The following DYNC1I1 variants were observed in gnomAD, a reference collection of about 807,000 sequenced individuals.
DYNC1I1 encodes cytoplasmic dynein 1 intermediate chain 1.
DYNC1I1 carries 43 observed loss-of-function variants against 86.6 expected under a neutral mutation model. The ratio of observed to expected loss-of-function variants is 0.50; its 90% confidence interval spans 0.39 to 0.64. The LOEUF is 0.64. Among genes scored for constraint, DYNC1I1 ranks in the 30% least tolerant of loss-of-function variants. The probability of loss-of-function intolerance (pLI) is 0.00; values close to 1 mark genes in which losing one functional copy is unlikely to be tolerated. For synonymous variants in DYNC1I1, 262 were observed against 283.7 expected, an observed-to-expected ratio of 0.92 and a Z score of 0.77; for missense variants, 604 against 788.8, an observed-to-expected ratio of 0.77 and a Z score of 2.81.
chr7:96,094,201 C>T (rs990563859), intron 16 of DYNC1I1, among the ~76,000 whole-genome samples: 7 of 152,046 alleles, frequency 4.6e-5, no homozygotes, highest in African/African-American at 1.7e-4. Flanking sequence ...TTAATTCAAA[C>T]ACAGTGCCTG....
At chr7:95,808,188 A>T (rs1318600748) in intron 2 of DYNC1I1, among the ~76,000 whole-genome samples, 1 of 152,142 alleles carries the variant, frequency 6.6e-6, no homozygotes, top group African/African-American at 2.4e-5. Context: ...TGTGTTGTTT[A>T]TAGAGAATCA....
intron 16 of DYNC1I1, among the ~76,000 whole-genome samples, chr7:96,083,290 T>C (rs574232830): frequency 1.3e-5 from 2 of 152,238 alleles, no homozygotes; most frequent in African/African-American, 4.8e-5. Context: ...GTTTTATAAG[T>C]ATTTTTATAA....
At chr7:95,931,931 A>G (rs909912334) in intron 6 of DYNC1I1, among the ~76,000 whole-genome samples, 1 of 152,204 alleles carries the variant, frequency 6.6e-6, no homozygotes, top group Admixed American at 6.5e-5. Flanking sequence ...CAGCGTCTTA[A>G]TTTCCAACAT....
At chr7:96,080,327 A>G in intron 15 of DYNC1I1, 36 bp from the exon 16 acceptor site, 1 of 1,534,842 alleles carries the variant, frequency 6.5e-7, no homozygotes, top group Non-Finnish European at 8.7e-7. Flanking sequence ...ATTCATATTC[A>G]GAGATTCTTT....
chr7:95,831,592 T>G (rs538041915), intron 5 of DYNC1I1, among the ~76,000 whole-genome samples: 2 of 152,314 alleles, frequency 1.3e-5, no homozygotes, highest in East Asian at 3.9e-4. Flanking sequence ...AATATTATTT[T>G]CCATAATGGC....
chr7:95,812,282 T>C (rs1794847707), intron 3 of DYNC1I1, among the ~76,000 whole-genome samples: 1 of 152,204 alleles, frequency 6.6e-6, no homozygotes. Context: ...TCTATCCATA[T>C]GGCTTCTCTG....
chr7:95,894,285 G>A (rs1208955293), intron 6 of DYNC1I1, among the ~76,000 whole-genome samples: 1 of 151,878 alleles, frequency 6.6e-6, no homozygotes, highest in Non-Finnish European at 1.5e-5. Context: ...TTGGCACCTG[G>A]TGAAGCCTGG....
At chr7:95,816,577 A>G (rs1794950498) in intron 4 of DYNC1I1, among the ~76,000 whole-genome samples, 1 of 152,170 alleles carries the variant, frequency 6.6e-6, no homozygotes, top group Admixed American at 6.5e-5. Context: ...TATACTGGCA[A>G]GCAACACGCT....
intron 6 of DYNC1I1, among the ~76,000 whole-genome samples, chr7:95,874,063 C>T (rs1179847371): frequency 2.0e-5 from 3 of 152,214 alleles, no homozygotes; most frequent in Non-Finnish European, 4.4e-5. Context: ...TGTCCAGTCC[C>T]ATTAGAAGTA....
intron 1 of DYNC1I1, among the ~76,000 whole-genome samples, chr7:95,784,194 A>G (rs989023058): frequency 6.6e-6 from 1 of 152,136 alleles, no homozygotes; most frequent in African/African-American, 2.4e-5. Context: ...TCTGGCTTCT[A>G]TTCTGATAGA....
intron 3 of DYNC1I1, 140 bp from the exon 4 acceptor site, chr7:95,813,107 T>TTTTTTTTCC: frequency 7.1e-7 from 1 of 1,407,904 alleles, no homozygotes; most frequent in Non-Finnish European, 9.4e-7. Flanking sequence ...TTTTTTTTTT[T>TTTTTTTTCC]CTTTATCCCA....
intron 6 of DYNC1I1, among the ~76,000 whole-genome samples, chr7:95,879,354 T>C (rs947620330): frequency 5.3e-5 from 8 of 151,644 alleles, no homozygotes; most frequent in Admixed American, 2.0e-4. Context: ...CAGCACTTTG[T>C]TATTTACAGA....
intron 9 of DYNC1I1, among the ~76,000 whole-genome samples, chr7:95,989,045 T>C (rs1793665361): frequency 6.6e-6 from 1 of 152,138 alleles, no homozygotes; most frequent in Admixed American, 6.5e-5. Flanking sequence ...TAAAAGAGCT[T>C]GTAAAGGTGC....
chr7:96,033,203 C>T (rs1473188216), intron 12 of DYNC1I1, among the ~76,000 whole-genome samples: 1 of 152,134 alleles, frequency 6.6e-6, no homozygotes, highest in African/African-American at 2.4e-5. Context: ...TGCTTGTATC[C>T]GTAGCCTAGA....
chr7:95,841,407 A>G (rs142804697), intron 5 of DYNC1I1, among the ~76,000 whole-genome samples: 333 of 152,014 alleles, frequency 2.2e-3, no homozygotes, highest in African/African-American at 7.5e-3. Context: ...AACCCCTCCC[A>G]GGGAGAATCT....
At chr7:95,793,981 C>T (rs17167157) in intron 1 of DYNC1I1, among the ~76,000 whole-genome samples, 14,197 of 152,254 alleles carry the variant, frequency 0.093, 710 homozygotes, top group South Asian at 0.14. Flanking sequence ...TTTAGAACCT[C>T]TAGGCGCACA....
chr7:95,940,641 A>G (rs1212021296), intron 6 of DYNC1I1, among the ~76,000 whole-genome samples: 1 of 152,134 alleles, frequency 6.6e-6, no homozygotes, highest in African/African-American at 2.4e-5. Context: ...CTTGACTTTC[A>G]GCTCTATCAG....
chr7:96,053,406 T>C (rs1347833246), intron 14 of DYNC1I1, among the ~76,000 whole-genome samples: 1 of 152,208 alleles, frequency 6.6e-6, no homozygotes, highest in Non-Finnish European at 1.5e-5. Flanking sequence ...CTATATTTTA[T>C]CTTCAGTTTG....
intron 15 of DYNC1I1, among the ~76,000 whole-genome samples, chr7:96,077,585 C>A (rs1183156808): frequency 6.6e-6 from 1 of 152,078 alleles, no homozygotes; most frequent in African/African-American, 2.4e-5. Flanking sequence ...GAGTCTTCAT[C>A]ACTGTTTATT....
Sources: allele counts gnomAD v4.1 joint callset (sites outside exome capture counted in the v4.1 genomes callset), GRCh38; gene constraint gnomAD v4.1.1; transcripts MANE v1.5; gene names NCBI Gene and HGNC (gene_info 2026-07-23, HGNC 2026-07-21).